The following UPRT variants were observed in gnomAD, a reference collection of about 807,000 sequenced individuals.
The protein encoded by UPRT is uracil phosphoribosyltransferase homolog.
Under a neutral mutation model 22.6 loss-of-function variants are expected in UPRT, and 5 were observed. The observed-to-expected ratio is 0.22, with a 90% confidence interval of 0.12 to 0.47. The LOEUF is 0.47. Ranked by LOEUF, UPRT falls within the 20% of genes least tolerant of loss-of-function variation. UPRT has a pLI of 0.99. For synonymous variants in UPRT, 77 were observed against 87.7 expected (o/e 0.88, Z 0.68); for missense variants, 181 against 239.9 (o/e 0.75, Z 1.62).
intron 1 of UPRT, among the ~76,000 whole-genome samples, chrX:75,157,486 A>G (rs1166258680): frequency 8.9e-6 from 1 of 112,157 alleles, no homozygotes; most frequent in Admixed American, 9.4e-5. Context: ...CAGGTTCAGG[A>G]GTCTATGGAG....
At chrX:75,284,669 A>G (rs1053526797) in intron 1 of UPRT, among the ~76,000 whole-genome samples, 4 of 111,492 alleles carry the variant, frequency 3.6e-5, no homozygotes, top group African/African-American at 1.3e-4. Context: ...TCTGTCAGCC[A>G]TGGATACCAG....
chrX:75,229,944 A>T (rs760879599), intron 4 of UPRT, among the ~76,000 whole-genome samples: 1 of 112,454 alleles, frequency 8.9e-6, no homozygotes, highest in African/African-American at 3.2e-5. Flanking sequence ...CCACAGCAGA[A>T]GTTGCAGGCA....
intron 1 of UPRT, among the ~76,000 whole-genome samples, 177 bp from the exon 2 acceptor site, chrX:75,293,295 C>T (rs895292598): frequency 7.2e-5 from 8 of 111,360 alleles, no homozygotes; most frequent in African/African-American, 2.3e-4. Context: ...ATCAAGTTAT[C>T]TCATTTAGGT....
intron 4 of UPRT, among the ~76,000 whole-genome samples, chrX:75,232,352 G>A (rs1264707397): frequency 3.6e-5 from 4 of 112,629 alleles, no homozygotes; most frequent in East Asian, 2.8e-4. Flanking sequence ...AGGCAGCAGC[G>A]AGGCTGGGGG....
rs2147707742 is a variant in UPRT at position 75,304,456 on chromosome X, G to A, written c.*945G>A. On this transcript the variant is annotated 3_prime_UTR_variant, in exon 7 of 7. Coordinates refer to ENST00000373383, the MANE Select transcript of UPRT (RefSeq NM_145052.4). ...AAAATAGAAAAAAACCATGCTTTTT[G>A]TAAAAACCCCTAAGATTTGTATATG... is the stretch of plus-strand genomic sequence containing the variant. 1 of 111,726 alleles carries A rather than the reference G, an allele frequency of 9.0e-6. No homozygotes were observed. Among genetic ancestry groups the A allele is most frequent in the African/African-American group, 3.2e-5 (1 of 30,798 alleles). 9.2% of individuals were successfully genotyped at this position (111,726 alleles called of 1,213,427 possible). A position where few individuals can be genotyped will look rare whatever the true frequency, so the allele number is the denominator to read the frequency against.
intron 1 of UPRT, among the ~76,000 whole-genome samples, chrX:75,277,994 C>A (rs763175618): frequency 9.0e-6 from 1 of 111,711 alleles, no homozygotes; most frequent in Admixed American, 9.5e-5. Context: ...GCTATATTTA[C>A]ATAGGTCTAG....
chrX:75,161,532 A>G (rs1037159122), intron 2 of UPRT, among the ~76,000 whole-genome samples: 1 of 112,656 alleles, frequency 8.9e-6, no homozygotes, highest in Non-Finnish European at 1.9e-5. Flanking sequence ...TTCTTTGCAT[A>G]TCATGCAAAA....
At chrX:75,179,212 T>G (rs912698456) in intron 4 of UPRT, among the ~76,000 whole-genome samples, 13 of 111,348 alleles carry the variant, frequency 1.2e-4, no homozygotes, top group African/African-American at 4.3e-4. Flanking sequence ...ACACAGAGTG[T>G]CGATTGGTGC....
intron 4 of UPRT, among the ~76,000 whole-genome samples, chrX:75,171,306 A>G (rs1351776760): frequency 9.0e-6 from 1 of 111,643 alleles, no homozygotes; most frequent in Non-Finnish European, 1.9e-5. Flanking sequence ...GGATTTGGTT[A>G]AATCAAAAGC....
At chrX:75,156,960 A>G (rs2082182975) in intron 1 of UPRT, among the ~76,000 whole-genome samples, 1 of 108,972 alleles carries the variant, frequency 9.2e-6, no homozygotes, top group African/African-American at 3.3e-5. Context: ...TAATTTTGTC[A>G]CTCTTTCTAG....
chrX:75,299,832 A>G lies in UPRT; in HGVS notation c.660A>G (p.Val220=), dbSNP rs1472527339. 5 of 1,210,075 alleles carry G rather than the reference A, an allele frequency of 4.1e-6. No individual in the cohort carries two copies. Among genetic ancestry groups the G allele is most frequent in the Admixed American group, 2.2e-5 (1 of 45,732 alleles). ...QSDEETQRAK[V]YYAKFPPDIY... ...ATGAGGAGACACAAAGAGCCAAAGT[A>G]TATTATGCCAAATTCCCCCCAGACA... Residue 220 remains valine, a synonymous_variant, in exon 5 of 7, where the codon GTA becomes GTG. Coordinates refer to ENST00000373383, the MANE Select transcript of UPRT (RefSeq NM_145052.4).
chrX:75,186,341 A>G (rs1317278151), intron 4 of UPRT, among the ~76,000 whole-genome samples: 5 of 111,642 alleles, frequency 4.5e-5, no homozygotes, highest in Non-Finnish European at 9.4e-5. Context: ...TTTGAGTGAG[A>G]TTCTTAATCC....
intron 4 of UPRT, among the ~76,000 whole-genome samples, chrX:75,219,441 T>C (rs1443898701): frequency 8.9e-6 from 1 of 112,248 alleles, no homozygotes; most frequent in Non-Finnish European, 1.9e-5. Flanking sequence ...AAAACTCTTT[T>C]GTGTGGTTTC....
At chrX:75,158,803 T>C (rs1214318460) in intron 1 of UPRT, among the ~76,000 whole-genome samples, 1 of 111,262 alleles carries the variant, frequency 9.0e-6, no homozygotes. Context: ...TCAAAACAAA[T>C]GTCACCTGCT....
intron 4 of UPRT, among the ~76,000 whole-genome samples, chrX:75,188,985 C>T (rs901046064): frequency 1.6e-4 from 18 of 112,134 alleles, no homozygotes; most frequent in Non-Finnish European, 1.9e-4. Context: ...TTCTGCATCG[C>T]GCACGCTGGG....
intron 4 of UPRT, among the ~76,000 whole-genome samples, chrX:75,298,695 T>C (rs753749528): frequency 8.9e-6 from 1 of 112,394 alleles, no homozygotes; most frequent in Non-Finnish European, 1.9e-5. Context: ...GCTCCTTTTT[T>C]CTAGGAGGAA....
chrX:75,269,336 G>A (rs758317082), upstream of UPRT, among the ~76,000 whole-genome samples: 6 of 111,632 alleles, frequency 5.4e-5, no homozygotes, highest in Non-Finnish European at 9.4e-5. Flanking sequence ...CTGCCCAAAT[G>A]AATTTATAGA....
intron 4 of UPRT, among the ~76,000 whole-genome samples, chrX:75,260,939 A>T (rs1452279211): frequency 8.9e-6 from 1 of 112,478 alleles, no homozygotes; most frequent in African/African-American, 3.2e-5. Context: ...AGAACTGAGG[A>T]TTAGGAAACT....
At chrX:75,218,837 A>G (rs994600683) in intron 4 of UPRT, among the ~76,000 whole-genome samples, 4 of 109,085 alleles carry the variant, frequency 3.7e-5, no homozygotes, top group African/African-American at 1.3e-4. Context: ...GAATTGAACA[A>G]TGAGAACACA....
Sources: allele counts gnomAD v4.1 joint callset (sites outside exome capture counted in the v4.1 genomes callset), GRCh38; gene constraint gnomAD v4.1.1; transcripts MANE v1.5; gene names NCBI Gene and HGNC (gene_info 2026-07-23, HGNC 2026-07-21).